The following TAF7L variants were observed in gnomAD, a reference collection of about 807,000 sequenced individuals.
TAF7L encodes transcription initiation factor TFIID subunit 7-like.
A neutral mutation model predicts 30.2 loss-of-function variants in TAF7L; 6 were observed. The ratio of observed to expected loss-of-function variants is 0.20; its 90% CI spans 0.11 to 0.39. TAF7L has a LOEUF of 0.39. TAF7L is among the 10% of genes least tolerant of loss of function. The pLI is 1.00. For synonymous variants in TAF7L, 93 were observed against 94.5 expected, an observed-to-expected ratio of 0.98 and a Z score of 0.09; for missense variants, 284 against 277.1, an observed-to-expected ratio of 1.03 and a Z score of -0.18.
At chrX:101,288,455 C>CTTT (rs58220003) in intron 1 of TAF7L, among the ~76,000 whole-genome samples, 8,018 of 94,052 alleles carry the variant, frequency 0.085, 364 homozygotes, top group Middle Eastern at 0.14. Flanking sequence ...GAATCCAGTT[C>CTTT]TTTTTTTTTT....
At chrX:101,285,491 C>G (rs1237229547) in intron 3 of TAF7L, among the ~76,000 whole-genome samples, 1 of 82,904 alleles carries the variant, frequency 1.2e-5, no homozygotes, top group Non-Finnish European at 2.2e-5. Flanking sequence ...CAGCAAGACT[C>G]CATCTCAAAA....
At chrX:101,291,100 G>C in intron 1 of TAF7L, 124 bp downstream of exon 1, 1 of 199,126 alleles carries the variant, frequency 5.0e-6, no homozygotes, top group Non-Finnish European at 7.6e-6. Context: ...GGTCGCAACG[G>C]GTCCCAGCCT....
chrX:101,291,308 G>C lies in TAF7L; in HGVS notation c.-87C>G, dbSNP rs973620028. On this transcript the variant is annotated 5_prime_UTR_variant, in exon 1 of 13. Transcript: ENST00000356784. ...TGGGTTCCGGACGAACCGCGCGTGG[G>C]CTCCCGCGCGGAACGTAGAGGCGAA... 33 of 752,646 alleles carry C rather than the reference G, an allele frequency of 4.4e-5. No individual in the cohort carries two copies. The highest frequency in any genetic ancestry group is 5.0e-5 in the Non-Finnish European group (32 of 638,626). 62.0% of individuals were successfully genotyped at this position (752,646 alleles called of 1,213,427 possible). A position where few individuals can be genotyped will look rare whatever the true frequency, so the allele number is the denominator to read the frequency against.
At chrX:101,272,641 A>C (rs1412368417) in intron 12 of TAF7L, among the ~76,000 whole-genome samples, 1 of 111,548 alleles carries the variant, frequency 9.0e-6, no homozygotes, top group African/African-American at 3.3e-5. Context: ...GGTTCTGGAG[A>C]AGTGGGGAGT....
chrX:101,271,007 C>T (rs1215431839), intron 12 of TAF7L, among the ~76,000 whole-genome samples: 1 of 111,480 alleles, frequency 9.0e-6, no homozygotes, highest in East Asian at 2.8e-4. Flanking sequence ...CAAACACCAT[C>T]TTCTCCATGA....
At chrX:101,284,219 G>A (rs1302327414) in intron 3 of TAF7L, among the ~76,000 whole-genome samples, 1 of 112,077 alleles carries the variant, frequency 8.9e-6, no homozygotes, top group Non-Finnish European at 1.9e-5. Flanking sequence ...AAAATAGAGA[G>A]ATTGCTTCAA....
At chrX:101,280,554 A>G (rs1924377645) in intron 6 of TAF7L, among the ~76,000 whole-genome samples, 2 of 111,799 alleles carry the variant, frequency 1.8e-5, no homozygotes, top group South Asian at 7.5e-4. Flanking sequence ...TGGTACAGTC[A>G]CTCTGGAAAA....
At chrX:101,283,362 G>A in intron 4 of TAF7L, 88 bp downstream of exon 4, 5 of 1,003,005 alleles carry the variant, frequency 5.0e-6, no homozygotes. Context: ...CATTCACCAA[G>A]TGGAAAGGAG....
intron 12 of TAF7L, among the ~76,000 whole-genome samples, chrX:101,271,070 T>C (rs900509745): frequency 1.8e-5 from 2 of 111,499 alleles, no homozygotes; most frequent in Non-Finnish European, 3.8e-5. Flanking sequence ...TCCCTACCCC[T>C]CTTGCCAATT....
upstream of TAF7L, among the ~76,000 whole-genome samples, chrX:101,292,260 A>AT (rs1411156951): frequency 1.7e-4 from 11 of 65,404 alleles, no homozygotes; most frequent in African/African-American, 5.3e-4. Flanking sequence ...AATAAATAAA[A>AT]AAAATAAATA....
chrX:101,286,880 C>T (rs748185861), intron 2 of TAF7L, among the ~76,000 whole-genome samples: 16 of 112,185 alleles, frequency 1.4e-4, no homozygotes, highest in African/African-American at 4.9e-4. Context: ...ATGCTTTCTC[C>T]TAGCTCTACA....
At chrX:101,274,960 C>T (rs972872065) in intron 12 of TAF7L, among the ~76,000 whole-genome samples, 1 of 111,636 alleles carries the variant, frequency 9.0e-6, no homozygotes, top group African/African-American at 3.3e-5. Context: ...TTTCCAAGAA[C>T]CTATCAATGA....
chrX:101,274,218 ATT>A (rs760318606), intron 12 of TAF7L, among the ~76,000 whole-genome samples: 5 of 102,321 alleles, frequency 4.9e-5, no homozygotes, highest in African/African-American at 1.8e-4. Context: ...TTTCATTATA[ATT>A]TTTTTTTTTT....
intron 4 of TAF7L, 143 bp from the exon 5 acceptor site, chrX:101,282,596 T>A: frequency 1.5e-6 from 1 of 675,767 alleles, no homozygotes; most frequent in Non-Finnish European, 2.2e-6. Flanking sequence ...TGTACATTTA[T>A]ATTCTCTCAT....
intron 12 of TAF7L, 128 bp from the exon 13 acceptor site, chrX:101,269,365 C>T (rs1923895620): frequency 3.4e-6 from 2 of 582,338 alleles, no homozygotes; most frequent in Non-Finnish European, 5.6e-6. Flanking sequence ...TTATCTTAGT[C>T]TTGCAATGTT....
chrX:101,282,850 C>T (rs958159206), intron 4 of TAF7L, among the ~76,000 whole-genome samples: 3 of 111,124 alleles, frequency 2.7e-5, no homozygotes, highest in Non-Finnish European at 3.8e-5. Flanking sequence ...ACTGCACCCT[C>T]GACCTCCTGG....
In TAF7L at chrX:101,276,383, C is replaced by T; in HGVS notation, c.837G>A (p.Glu279=). The change falls in exon 10 of 13, where the codon GAG becomes GAA. Residue 279 remains glutamate (E), a synonymous_variant. Coordinates refer to ENST00000356784, the MANE Select transcript of TAF7L (RefSeq NM_001168474.2). ...CGGCCTGCAGCTGCCTTTCCAGATA[C>T]TCTTCAGAACAATCTTCCTCCTCCT... ...KEEEEEDCSE[E]YLERQLQAEF... 8.3e-7 allele frequency: 1 copy of T among 1,210,968 alleles called. No individual in the cohort carries two copies. The highest frequency in any genetic ancestry group is 1.1e-6 in the Non-Finnish European group (1 of 895,391).
rs1225349720 is a variant in TAF7L, at chrX:101,291,305, T to A, written c.-84A>T. Reference sequence around the variant, plus strand: ...CTGTGGGTTCCGGACGAACCGCGCGTGGGCTCCCGCGCGGAACGTAGAGGC... The same window carrying A: ...CTGTGGGTTCCGGACGAACCGCGCGAGGGCTCCCGCGCGGAACGTAGAGGC... On this transcript the variant is annotated 5_prime_UTR_variant, in exon 1 of 13. Transcript: ENST00000356784. 1 of 751,991 alleles carries A rather than the reference T, an allele frequency of 1.3e-6. No individual in the cohort carries two copies. Among genetic ancestry groups the A allele is most frequent in the Non-Finnish European group, 1.6e-6 (1 of 638,288 alleles). The allele number at this position is 751,991 out of a possible 1,213,427, so 62.0% of individuals were successfully genotyped here.
At chrX:101,281,638 C>A (rs1423866263) in intron 6 of TAF7L, 82 bp downstream of exon 6, 2 of 926,913 alleles carry the variant, frequency 2.2e-6, no homozygotes, top group Non-Finnish European at 3.1e-6. Flanking sequence ...AAATTAATTC[C>A]CAACTGACTT....
Sources: allele counts gnomAD v4.1 joint callset (sites outside exome capture counted in the v4.1 genomes callset), GRCh38; gene constraint gnomAD v4.1.1; transcripts MANE v1.5; gene names NCBI Gene and HGNC (gene_info 2026-07-23, HGNC 2026-07-21).